VEPH1: variants seen among roughly 807,000 people sequenced by gnomAD.
The protein encoded by VEPH1 is ventricular zone-expressed PH domain-containing protein homolog 1.
A neutral mutation model predicts 85.2 loss-of-function variants in VEPH1; 80 were observed. The observed-to-expected ratio is 0.94, with a 90% CI of 0.78 to 1.13. VEPH1 has a LOEUF of 1.13. VEPH1 is among the 50% of genes most tolerant of loss of function. The pLI, the probability that VEPH1 is intolerant of heterozygous loss-of-function variation, is 0.00. For synonymous variants in VEPH1, 297 were observed against 348.0 expected (o/e 0.85, Z 1.63); for missense variants, 955 against 980.5 (o/e 0.97, Z 0.35).
intron 9 of VEPH1, among the ~76,000 whole-genome samples, chr3:157,323,062 A>AGT (rs1382002279): frequency 2.6e-5 from 4 of 152,200 alleles, no homozygotes; most frequent in African/African-American, 9.6e-5. Context: ...ATCACAAGCC[A>AGT]GTGTGGACCA....
intron 9 of VEPH1, among the ~76,000 whole-genome samples, chr3:157,325,748 T>C (rs1286622939): frequency 6.6e-6 from 1 of 152,192 alleles, no homozygotes; most frequent in Non-Finnish European, 1.5e-5. Context: ...TGTAGCCTTG[T>C]AGTATAGTTT....
chr3:157,501,345 A>G (rs1740082078), intron 1 of VEPH1, among the ~76,000 whole-genome samples: 1 of 152,144 alleles, frequency 6.6e-6, no homozygotes, highest in African/African-American at 2.4e-5. Flanking sequence ...ACCAAGGTTG[A>G]ACAATAACAG....
In VEPH1 at chr3:157,304,407, A is replaced by T. The variant is rs78185166; in HGVS notation, c.2010+9214T>A. 4.5e-3 allele frequency among the ~76,000 whole-genome samples: 685 copies of T among 152,264 alleles called. 4 individuals are homozygous for T. The highest frequency in any genetic ancestry group is 0.015 in the African/African-American group (609 of 41,560). On this transcript the variant is annotated intron_variant, in intron 11 of 13. Coordinates refer to ENST00000362010, the MANE Select transcript of VEPH1 (RefSeq NM_001167912.2). ...TTTCTGCAGCATACAACATTTCCCT[A>T]TGCTTTGGTAACTGGAACACGTGTT...
intron 7 of VEPH1, 52 bp from the exon 8 acceptor site, chr3:157,364,564 A>T: frequency 2.6e-6 from 4 of 1,539,680 alleles, no homozygotes; most frequent in Non-Finnish European, 3.6e-6. Flanking sequence ...TACTCTTCAG[A>T]ACAGTGTTAT....
intron 6 of VEPH1, among the ~76,000 whole-genome samples, chr3:157,403,794 T>C (rs1730944928): frequency 6.6e-6 from 1 of 152,162 alleles, no homozygotes; most frequent in South Asian, 2.1e-4. Context: ...TGTGTGTGTG[T>C]CTGGAAACAT....
chr3:157,272,146 A>G (rs182673235), intron 12 of VEPH1, among the ~76,000 whole-genome samples: 9 of 152,244 alleles, frequency 5.9e-5, no homozygotes, highest in Admixed American at 3.3e-4. Flanking sequence ...CTCTTGCAAA[A>G]TCGCCCTTGT....
At chr3:157,494,435 T>C (rs1739487651) in intron 2 of VEPH1, among the ~76,000 whole-genome samples, 1 of 152,126 alleles carries the variant, frequency 6.6e-6, no homozygotes, top group African/African-American at 2.4e-5. Context: ...AGGGTCCAAG[T>C]ACAATCAAGA....
At chr3:157,460,469 A>G in intron 3 of VEPH1, 114 bp from the exon 4 acceptor site, 1 of 1,305,638 alleles carries the variant, frequency 7.7e-7, no homozygotes, top group Non-Finnish European at 1.0e-6. Flanking sequence ...CAGCTGTGAA[A>G]ACACAGGCCT....
chr3:157,291,196 T>G (rs1243427058), intron 11 of VEPH1, among the ~76,000 whole-genome samples: 1 of 152,252 alleles, frequency 6.6e-6, no homozygotes, highest in Non-Finnish European at 1.5e-5. Flanking sequence ...TTAAGACATG[T>G]AAGCAAGTAT....
intron 2 of VEPH1, among the ~76,000 whole-genome samples, chr3:157,473,345 T>A (rs562675818): frequency 6.6e-6 from 1 of 152,300 alleles, no homozygotes; most frequent in South Asian, 2.1e-4. Context: ...GTGCTGGGAT[T>A]ACAAGCATGA....
intron 11 of VEPH1, among the ~76,000 whole-genome samples, chr3:157,292,954 G>C (rs1272036073): frequency 6.9e-6 from 1 of 144,756 alleles, no homozygotes; most frequent in Non-Finnish European, 1.5e-5. Flanking sequence ...TTGCACTCCA[G>C]TCTGGGCAAC....
In VEPH1 at chr3:157,437,710, G is replaced by C. The variant is rs974332953; in HGVS notation, c.530-9222C>G. The C allele has an allele frequency of 1.3e-5, 20 of 1,531,112 alleles. No individual in the cohort carries two copies. In the African/African-American group the frequency reaches 1.5e-4, roughly 12 times the overall value. 94.8% of individuals were successfully genotyped at this position (1,531,112 alleles called of 1,614,324 possible). A position where few individuals can be genotyped will look rare whatever the true frequency, so the allele number is the denominator to read the frequency against. ...GCCGTGCGCGCCGGGGGCTCCCGCA[G>C]AGGCCAGGCTGACCAGTGCTCTGGA... On this transcript the variant is annotated intron_variant, in intron 4 of 13. Transcript: ENST00000362010.
chr3:157,381,213 G>C lies in VEPH1; in HGVS notation c.1070C>G (p.Thr357Ser). Residue 357 changes from threonine (T) to serine (S), a missense_variant, in exon 7 of 14, where the codon ACC becomes AGC. Physicochemically the swap from Thr to Ser is moderately conservative, Grantham distance 58. Coordinates refer to ENST00000362010, the MANE Select transcript of VEPH1 (RefSeq NM_001167912.2). Reference sequence around the variant, plus strand: ...TCGGGTAAGGAGTTTAGCAATGGCGGTGAAGCTGTTGCTCATGCGGAAGAT... The same window carrying C: ...TCGGGTAAGGAGTTTAGCAATGGCGCTGAAGCTGTTGCTCATGCGGAAGAT... ...RDIFRMSNSF[T>S]AIAKLLTRQL... 6.2e-7 allele frequency: 1 copy of C among 1,614,046 alleles called. No homozygotes were observed. The highest frequency in any genetic ancestry group is 8.5e-7 in the Non-Finnish European group (1 of 1,179,972).
At chr3:157,484,141 T>C (rs1738401609) in intron 2 of VEPH1, among the ~76,000 whole-genome samples, 2 of 152,174 alleles carry the variant, frequency 1.3e-5, no homozygotes, top group African/African-American at 4.8e-5. Flanking sequence ...GCACATTTCA[T>C]AACAGCAATA....
At chr3:157,354,069 G>C (rs1385386453) in intron 9 of VEPH1, among the ~76,000 whole-genome samples, 1 of 152,092 alleles carries the variant, frequency 6.6e-6, no homozygotes, top group Non-Finnish European at 1.5e-5. Flanking sequence ...TGTAAACTAT[G>C]GACTCTAGAT....
At chr3:157,473,233 C>T (rs1207743877) in intron 2 of VEPH1, among the ~76,000 whole-genome samples, 6 of 151,686 alleles carry the variant, frequency 4.0e-5, no homozygotes, top group South Asian at 2.1e-4. Context: ...CCACCACGCC[C>T]GGCTAATTTT....
chr3:157,335,636 T>C (rs915499770), intron 9 of VEPH1, among the ~76,000 whole-genome samples: 7 of 152,164 alleles, frequency 4.6e-5, no homozygotes, highest in Non-Finnish European at 1.0e-4. Context: ...GATCTGAATA[T>C]AAATAGTGTC....
intron 5 of VEPH1, among the ~76,000 whole-genome samples, chr3:157,416,342 T>G (rs1320338099): frequency 6.7e-6 from 1 of 150,272 alleles, no homozygotes; most frequent in African/African-American, 2.5e-5. Context: ...AACTTTAGAT[T>G]CATATCCAGT....
At chr3:157,337,508 G>T (rs995690290) in intron 9 of VEPH1, among the ~76,000 whole-genome samples, 2 of 151,976 alleles carry the variant, frequency 1.3e-5, no homozygotes, top group Admixed American at 1.3e-4. Context: ...GCTCCATAAG[G>T]TCAAAATATT....
Sources: gnomAD v4.1 joint callset for allele counts (sites outside exome capture counted in the v4.1 genomes callset) on GRCh38, gnomAD v4.1.1 for gene constraint, MANE v1.5 for transcripts, NCBI Gene and HGNC (gene_info 2026-07-23, HGNC 2026-07-21) for gene names.